The following RAB3GAP1 variants were observed in gnomAD, a reference collection of about 807,000 sequenced individuals.
RAB3GAP1 encodes RAB3 GTPase activating protein catalytic subunit 1.
In RAB3GAP1, 86 loss-of-function variants were observed where a neutral mutation model predicts 130.7. The observed-to-expected ratio is 0.66, with a 90% CI of 0.55 to 0.79. The LOEUF is 0.79. RAB3GAP1 is among the 30% of genes least tolerant of loss of function. The pLI, the probability that RAB3GAP1 is intolerant of heterozygous loss-of-function variation, is 0.00. For missense variants in RAB3GAP1, 1,029 were observed against 1,169.4 expected, an observed-to-expected ratio of 0.88 and a Z score of 1.75; for synonymous variants, 367 against 401.7, an observed-to-expected ratio of 0.91 and a Z score of 1.03.
At position 135,130,542 on chromosome 2, in the gene RAB3GAP1, C is replaced by A; in HGVS notation, c.1067-10C>A. On this transcript the variant is annotated splice_polypyrimidine_tract_variant and intron_variant, in intron 12 of 23. Transcript: ENST00000264158. ...GATATAATTTATATTTATTTCTGTT[C>A]TTTTTATAGAAACTGCTGATATAAC... The A allele has an allele frequency of 1.2e-6, 2 of 1,607,850 alleles. No individual in the cohort carries two copies. The highest frequency in any genetic ancestry group is 1.1e-5 in the South Asian group (1 of 90,502).
Position 135,135,854 on chromosome 2 carries a change from G to A in RAB3GAP1, c.1845G>A (p.Arg615=). The A allele has an allele frequency of 6.2e-7, 1 of 1,614,148 alleles. No homozygotes were observed. Among genetic ancestry groups the A allele is most frequent in the Non-Finnish European group, 8.5e-7 (1 of 1,179,976 alleles). The change falls in exon 17 of 24, where the codon AGG becomes AGA. Residue 615 remains arginine (R), a synonymous_variant. Coordinates refer to ENST00000264158, the MANE Select transcript of RAB3GAP1 (RefSeq NM_012233.3). ...KGGPKEMANL[R]PEGRLYQHGK... ...GACCTAAGGAGATGGCAAATTTAAG[G>A]CCGGAAGGACGGCTCTATCAGCATG...
At chr2:135,153,562 T>G in intron 18 of RAB3GAP1, 87 bp from the exon 19 acceptor site, 1 of 1,275,926 alleles carries the variant, frequency 7.8e-7, no homozygotes, top group Non-Finnish European at 1.1e-6. Flanking sequence ...TAGATAGGCT[T>G]TTTTTGAAAA....
At chr2:135,103,034 G>GGTTTTTTTTT (rs1355666279) in intron 5 of RAB3GAP1, among the ~76,000 whole-genome samples, 1 of 100,460 alleles carries the variant, frequency 1.0e-5, no homozygotes, top group African/African-American at 6.8e-5. Flanking sequence ...TCATTTTTGT[G>GGTTTTTTTTT]ATTTTTTTTT....
chr2:135,110,968 G>A (rs1269027784), intron 5 of RAB3GAP1, among the ~76,000 whole-genome samples: 1 of 151,846 alleles, frequency 6.6e-6, no homozygotes, highest in Admixed American at 6.6e-5. Context: ...TTCTTCCAGG[G>A]ACATTTGAAA....
At chr2:135,172,348 T>C (rs140624290), downstream of RAB3GAP1, among the ~76,000 whole-genome samples, 880 of 151,960 alleles carry the variant, frequency 5.8e-3, 6 homozygotes, top group African/African-American at 0.018. Context: ...GGCAGGAGAA[T>C]TGCTTGAACC....
intron 18 of RAB3GAP1, among the ~76,000 whole-genome samples, chr2:135,150,727 A>G (rs1183354908): frequency 1.3e-5 from 2 of 152,158 alleles, no homozygotes; most frequent in Non-Finnish European, 2.9e-5. Context: ...TAATAGTTGA[A>G]AGTTGAGAAT....
intron 5 of RAB3GAP1, among the ~76,000 whole-genome samples, chr2:135,096,678 T>C (rs1690307311): frequency 1.3e-5 from 2 of 152,214 alleles, no homozygotes; most frequent in Non-Finnish European, 2.9e-5. Flanking sequence ...GGCTATATAC[T>C]GAATTAGGTT....
At chr2:135,174,576 C>T (rs1412144991), downstream of RAB3GAP1, among the ~76,000 whole-genome samples, 1 of 152,202 alleles carries the variant, frequency 6.6e-6, no homozygotes, top group South Asian at 2.1e-4. Context: ...TTCCAAAGCC[C>T]CCCCAGCCAC....
chr2:135,148,714 G>C (rs1037876007), intron 17 of RAB3GAP1, among the ~76,000 whole-genome samples: 18 of 130,758 alleles, frequency 1.4e-4, no homozygotes, highest in Admixed American at 8.2e-5. Flanking sequence ...GTTTCGCCAT[G>C]TTGGCCAGGC....
chr2:135,121,456 A>G (rs1032272668), intron 8 of RAB3GAP1, among the ~76,000 whole-genome samples: 9 of 152,340 alleles, frequency 5.9e-5, no homozygotes, highest in Non-Finnish European at 1.3e-4. Context: ...TCATTCAACA[A>G]TTATTAATTA....
rs1249052391 is a variant in RAB3GAP1, at chr2:135,169,732, A to G, written c.*951A>G. ...ACACACTATTTTGCTTTTGTATTTTAGTTAAAATAATCGATGGGGATGTGT... is the reference window on the plus strand; with the variant it reads ...ACACACTATTTTGCTTTTGTATTTTGGTTAAAATAATCGATGGGGATGTGT... On this transcript the variant is annotated 3_prime_UTR_variant, in exon 24 of 24. Transcript: ENST00000264158. The G allele has an allele frequency of 2.2e-6, 1 of 456,138 alleles. No individual in the cohort carries two copies. The highest frequency in any genetic ancestry group is 4.4e-6 in the Non-Finnish European group (1 of 226,738). 28.3% of individuals were successfully genotyped at this position (456,138 alleles called of 1,614,324 possible).
At chr2:135,143,461 C>G (rs1691902818) in intron 17 of RAB3GAP1, among the ~76,000 whole-genome samples, 1 of 151,432 alleles carries the variant, frequency 6.6e-6, no homozygotes, top group Non-Finnish European at 1.5e-5. Flanking sequence ...TATTTCTTTG[C>G]TTCTACTTTC....
Position 135,150,360 on chromosome 2 carries a change from G to T in RAB3GAP1, c.1924-9G>T. 1 of 1,613,984 alleles carries T rather than the reference G, an allele frequency of 6.2e-7. No homozygotes were observed. Among genetic ancestry groups the T allele is most frequent in the Non-Finnish European group, 8.5e-7 (1 of 1,179,990 alleles). ...CTGTTTATGAGCCTTGTCCTTTTGT[G>T]CTTCACAGGAACCAGCACCTATGAC... On this transcript the variant is annotated splice_polypyrimidine_tract_variant and intron_variant, in intron 17 of 23. Coordinates refer to ENST00000264158, the MANE Select transcript of RAB3GAP1 (RefSeq NM_012233.3).
chr2:135,133,533 C>T (rs1691602636), intron 14 of RAB3GAP1, among the ~76,000 whole-genome samples: 1 of 152,004 alleles, frequency 6.6e-6, no homozygotes, highest in African/African-American at 2.4e-5. Context: ...TTTGTTTTTT[C>T]AGACGTGCTC....
intron 2 of RAB3GAP1, among the ~76,000 whole-genome samples, chr2:135,055,867 C>T (rs539625082): frequency 2.6e-5 from 4 of 151,462 alleles, no homozygotes; most frequent in South Asian, 4.2e-4. Flanking sequence ...GACGGAGTCT[C>T]GCTCTGTCGC....
chr2:135,148,430 A>G (rs1024886245), intron 17 of RAB3GAP1, among the ~76,000 whole-genome samples: 11 of 151,930 alleles, frequency 7.2e-5, no homozygotes, highest in Non-Finnish European at 1.6e-4. Flanking sequence ...ACCCCAATAT[A>G]CTAGAGCCAG....
At chr2:135,144,644 C>G (rs1319761678) in intron 17 of RAB3GAP1, among the ~76,000 whole-genome samples, 1 of 152,222 alleles carries the variant, frequency 6.6e-6, no homozygotes, top group Non-Finnish European at 1.5e-5. Flanking sequence ...GAGGACCTGC[C>G]TCTTACCTGC....
At chr2:135,138,793 T>A (rs1466174628) in intron 17 of RAB3GAP1, among the ~76,000 whole-genome samples, 1 of 152,012 alleles carries the variant, frequency 6.6e-6, no homozygotes, top group East Asian at 1.9e-4. Flanking sequence ...ACTTTTAAAA[T>A]TTTTGTAAAG....
chr2:135,109,977 A>T (rs78498006), intron 5 of RAB3GAP1, among the ~76,000 whole-genome samples: 60 of 148,266 alleles, frequency 4.0e-4, no homozygotes, highest in African/African-American at 1.5e-3. Context: ...ATTTTCGCTT[A>T]TTTTTTTTTT....
Sources: gnomAD v4.1 joint callset for allele counts (sites outside exome capture counted in the v4.1 genomes callset) on GRCh38, gnomAD v4.1.1 for gene constraint, MANE v1.5 for transcripts, NCBI Gene and HGNC (gene_info 2026-07-23, HGNC 2026-07-21) for gene names.